IGSF10: variants seen among roughly 807,000 people sequenced by gnomAD.
The protein encoded by IGSF10 is immunoglobulin superfamily member 10.
Under a neutral mutation model 128.2 loss-of-function variants are expected in IGSF10, and 126 were observed. The ratio of observed to expected loss-of-function variants is 0.98; its 90% confidence interval spans 0.85 to 1.14. The LOEUF (loss-of-function observed/expected upper bound fraction) is 1.14. Ranked by LOEUF, IGSF10 falls within the 50% of genes most tolerant of loss-of-function variation. The pLI, the probability that IGSF10 is intolerant of heterozygous loss-of-function variation, is 0.00. For synonymous variants in IGSF10, 1,185 were observed against 1,146.2 expected (o/e 1.03, Z -0.68); for missense variants, 3,295 against 3,149.8 (o/e 1.05, Z -1.10).
chr3:151,528,475 G>C, the IGSF10 span, among the ~76,000 whole-genome samples: 4 of 152,224 alleles, frequency 2.6e-5, no homozygotes, highest in Admixed American at 2.6e-4. Context: ...CAGAAGGCAG[G>C]TGATTTCTGC....
chr3:151,558,027 A>ATATATATATATAATATATATATATAT, the IGSF10 span, among the ~76,000 whole-genome samples: 8 of 52,920 alleles, frequency 1.5e-4, no homozygotes, highest in African/African-American at 6.9e-4. Context: ...TAATATATAT[A>ATATATATATATAATATATATATATAT]TTGGTACAAT....
intron 5 of IGSF10, among the ~76,000 whole-genome samples, chr3:151,450,172 G>GA (rs1721443973): frequency 6.6e-6 from 1 of 152,110 alleles, no homozygotes; most frequent in African/African-American, 2.4e-5. Flanking sequence ...CAAATATTTG[G>GA]ATATCACATA....
At chr3:151,441,886 T>C (rs56003511) in intron 7 of IGSF10, among the ~76,000 whole-genome samples, 6,707 of 152,032 alleles carry the variant, frequency 0.044, 174 homozygotes, top group East Asian at 0.087. Flanking sequence ...ATGGTGAAAC[T>C]CCGTCTCTAC....
chr3:151,454,578 T>A (rs1721685005), intron 4 of IGSF10, among the ~76,000 whole-genome samples: 1 of 77,322 alleles, frequency 1.3e-5, no homozygotes, highest in Admixed American at 1.4e-4. Flanking sequence ...GTTGAAAATT[T>A]TTATAAGGTT....
At chr3:151,602,728 C>T in the IGSF10 span, among the ~76,000 whole-genome samples, 1 of 152,116 alleles carries the variant, frequency 6.6e-6, no homozygotes, top group South Asian at 2.1e-4. Context: ...CATGCACCTT[C>T]ATACTTCATT....
the IGSF10 span, among the ~76,000 whole-genome samples, chr3:151,473,242 T>C: frequency 2.6e-5 from 4 of 152,166 alleles, no homozygotes; most frequent in African/African-American, 9.7e-5. Context: ...ACCAGAGTAA[T>C]TGTTGGATTT....
the IGSF10 span, among the ~76,000 whole-genome samples, chr3:151,528,498 G>A: frequency 3.9e-5 from 6 of 152,184 alleles, no homozygotes; most frequent in South Asian, 1.2e-3. Flanking sequence ...TTCCAACTGA[G>A]GTACCCTGTT....
the IGSF10 span, among the ~76,000 whole-genome samples, chr3:151,494,932 T>C: frequency 6.6e-6 from 1 of 152,214 alleles, no homozygotes; most frequent in East Asian, 1.9e-4. Context: ...TGGGAAAGGC[T>C]TATTACTTTA....
At chr3:151,612,797 G>T in the IGSF10 span, among the ~76,000 whole-genome samples, 3 of 152,086 alleles carry the variant, frequency 2.0e-5, no homozygotes, top group Non-Finnish European at 2.9e-5. Flanking sequence ...TGTAGGCAAA[G>T]GACAGATACT....
At chr3:151,461,158 C>T (rs747541493), upstream of IGSF10, 369 of 985,324 alleles carry the variant, frequency 3.7e-4, no homozygotes, top group Non-Finnish European at 4.2e-4. Context: ...CACCGGGCCC[C>T]TCTTTATGTT....
At chr3:151,549,003 A>G in the IGSF10 span, among the ~76,000 whole-genome samples, 1 of 152,036 alleles carries the variant, frequency 6.6e-6, no homozygotes, top group Non-Finnish European at 1.5e-5. Flanking sequence ...GATGTTAGTA[A>G]TCATTTTTGT....
chr3:151,498,351 C>T, the IGSF10 span, among the ~76,000 whole-genome samples: 1 of 152,220 alleles, frequency 6.6e-6, no homozygotes, highest in African/African-American at 2.4e-5. Context: ...TCCATCAATA[C>T]CTAATTTATT....
the IGSF10 span, among the ~76,000 whole-genome samples, chr3:151,615,969 T>G: frequency 1.1e-4 from 16 of 150,782 alleles, no homozygotes; most frequent in Non-Finnish European, 2.4e-4. Flanking sequence ...TTGAGGTTTT[T>G]TTTTTTTTTT....
chr3:151,578,956 A>G, the IGSF10 span, among the ~76,000 whole-genome samples: 1 of 152,150 alleles, frequency 6.6e-6, no homozygotes, highest in Non-Finnish European at 1.5e-5. Flanking sequence ...ACCTACTACT[A>G]CCACGCTAGC....
chr3:151,514,928 C>G, the IGSF10 span, among the ~76,000 whole-genome samples: 2 of 152,116 alleles, frequency 1.3e-5, no homozygotes, highest in African/African-American at 4.8e-5. Context: ...ATACCATTTC[C>G]CACCAGTTAG....
At chr3:151,578,409 T>A in the IGSF10 span, among the ~76,000 whole-genome samples, 2 of 152,214 alleles carry the variant, frequency 1.3e-5, no homozygotes, top group Non-Finnish European at 2.9e-5. Context: ...TGTCATAAGT[T>A]TTCACTGAAA....
At chr3:151,568,908 T>G in the IGSF10 span, among the ~76,000 whole-genome samples, 2 of 152,130 alleles carry the variant, frequency 1.3e-5, no homozygotes, top group African/African-American at 4.8e-5. Context: ...AGGGAATCAA[T>G]AGATTACAGC....
the IGSF10 span, among the ~76,000 whole-genome samples, chr3:151,563,897 T>C: frequency 2.0e-5 from 3 of 152,204 alleles, no homozygotes; most frequent in Non-Finnish European, 2.9e-5. Flanking sequence ...GTGCTGTTCT[T>C]ATATCCATTT....
chr3:151,487,787 T>G, the IGSF10 span, among the ~76,000 whole-genome samples: 1 of 152,178 alleles, frequency 6.6e-6, no homozygotes, highest in Non-Finnish European at 1.5e-5. Flanking sequence ...CAGCCCTTCA[T>G]GCTAAAAACT....
Sources: gnomAD v4.1 joint callset for allele counts (sites outside exome capture counted in the v4.1 genomes callset) on GRCh38, gnomAD v4.1.1 for gene constraint, MANE v1.5 for transcripts, NCBI Gene and HGNC (gene_info 2026-07-23, HGNC 2026-07-21) for gene names.